Variants in PAPPA2 observed in about 807,000 individuals in gnomAD.
PAPPA2 encodes the protein pappalysin-2.
In PAPPA2, 86 loss-of-function variants were observed where a neutral mutation model predicts 176.4. The observed-to-expected ratio is 0.49, with a 90% CI of 0.41 to 0.58. PAPPA2 has a LOEUF of 0.58. Ranked by LOEUF, PAPPA2 falls within the 20% of genes least tolerant of loss-of-function variation. The pLI is 0.00. For synonymous variants in PAPPA2, 809 were observed against 852.2 expected, an observed-to-expected ratio of 0.95 and a Z score of 0.88; for missense variants, 2,073 against 2,256.9, an observed-to-expected ratio of 0.92 and a Z score of 1.65.
chr1:176,820,780 A>G (rs1485007583), intron 21 of PAPPA2, among the ~76,000 whole-genome samples: 1 of 151,568 alleles, frequency 6.6e-6, no homozygotes, highest in Non-Finnish European at 1.5e-5. Flanking sequence ...TGCAAACATT[A>G]GAGGCTTCCA....
intron 4 of PAPPA2, among the ~76,000 whole-genome samples, chr1:176,682,308 G>T (rs576653093): frequency 1.7e-4 from 26 of 152,158 alleles, no homozygotes; most frequent in Non-Finnish European, 3.7e-4. Flanking sequence ...GGCTGTGAAG[G>T]CATAAAGCAC....
chr1:176,837,273 C>T (rs781670383), intron 21 of PAPPA2, among the ~76,000 whole-genome samples: 6 of 151,984 alleles, frequency 3.9e-5, no homozygotes, highest in Non-Finnish European at 7.4e-5. Context: ...GTAGTCCAAG[C>T]GCTCTCTCAG....
At chr1:176,575,558 C>T (rs1176932174) in intron 2 of PAPPA2, among the ~76,000 whole-genome samples, 2 of 152,136 alleles carry the variant, frequency 1.3e-5, no homozygotes, top group Admixed American at 6.5e-5. Context: ...GTGCGTGATT[C>T]ACTCATGAAT....
chr1:176,536,381 A>T (rs1318446119), intron 1 of PAPPA2, among the ~76,000 whole-genome samples: 8 of 152,220 alleles, frequency 5.3e-5, no homozygotes, highest in Admixed American at 5.2e-4. Flanking sequence ...TGCCACAATC[A>T]TGCTACATAA....
In PAPPA2 at chr1:176,556,681, G is replaced by T; in HGVS notation, c.359G>T (p.Gly120Val). Residue 120 changes from glycine to valine, a missense_variant, in exon 2 of 23, where the codon GGT becomes GTT. By Grantham distance (109) the Gly-to-Val change is moderately radical. Coordinates refer to ENST00000367662, the MANE Select transcript of PAPPA2 (RefSeq NM_020318.3). ...ACTGAAAATCCAGCAGGACTGAGGG[G>T]TGCAGTTGAAGAGCCGGCTGCCCCA... ...DLTENPAGLR[G>V]AVEEPAAPWV... The T allele has an allele frequency of 1.9e-6, 3 of 1,614,160 alleles. No individual in the cohort carries two copies. Among genetic ancestry groups the T allele is most frequent in the Non-Finnish European group, 2.5e-6 (3 of 1,180,002 alleles).
At chr1:176,558,487 G>A (rs1651462577) in intron 2 of PAPPA2, among the ~76,000 whole-genome samples, 1 of 152,182 alleles carries the variant, frequency 6.6e-6, no homozygotes, top group Admixed American at 6.5e-5. Flanking sequence ...CTCTTTGGCT[G>A]TGATTTCTCC....
At chr1:176,561,467 C>T (rs912295693) in intron 2 of PAPPA2, among the ~76,000 whole-genome samples, 3 of 152,110 alleles carry the variant, frequency 2.0e-5, no homozygotes, top group African/African-American at 7.2e-5. Flanking sequence ...GGAATATTCA[C>T]TTTAATTTCT....
At chr1:176,726,944 G>A (rs1055284707) in intron 12 of PAPPA2, among the ~76,000 whole-genome samples, 4 of 152,102 alleles carry the variant, frequency 2.6e-5, no homozygotes, top group African/African-American at 9.7e-5. Flanking sequence ...AGGACAAGGC[G>A]GTTCAAAGTA....
At chr1:176,761,221 T>C (rs1192464871) in intron 14 of PAPPA2, among the ~76,000 whole-genome samples, 1 of 152,118 alleles carries the variant, frequency 6.6e-6, no homozygotes, top group African/African-American at 2.4e-5. Context: ...AGAGCAAATC[T>C]AGGGTTATGT....
chr1:176,729,083 C>T (rs1046647833), intron 12 of PAPPA2, among the ~76,000 whole-genome samples: 1 of 151,890 alleles, frequency 6.6e-6, no homozygotes, highest in African/African-American at 2.4e-5. Context: ...GCTAAGATTG[C>T]AAAGATACCT....
chr1:176,660,592 G>T lies in PAPPA2; in HGVS notation c.1992-10378G>T, dbSNP rs182186874. On this transcript the variant is annotated intron_variant, in intron 3 of 22. Coordinates refer to ENST00000367662, the MANE Select transcript of PAPPA2 (RefSeq NM_020318.3). ...TTTTTGGGGGTAGTCCCAGGATTTA[G>T]TGTGAGTTGTTATAAATCTGTAATT... Among the ~76,000 whole-genome samples the T allele has an allele frequency of 3.2e-4, 48 of 152,192 alleles. 1 individual carries two copies. The Middle Eastern group carries it at 0.01, about 32-fold the overall frequency.
At chr1:176,702,463 T>C in intron 8 of PAPPA2, 144 bp from the exon 9 acceptor site, 1 of 1,225,616 alleles carries the variant, frequency 8.2e-7, no homozygotes, top group East Asian at 2.6e-5. Flanking sequence ...TGTGCCCTGA[T>C]CTTTGTTTTA....
At chr1:176,576,029 A>G (rs564387052) in intron 2 of PAPPA2, among the ~76,000 whole-genome samples, 1 of 152,268 alleles carries the variant, frequency 6.6e-6, no homozygotes, top group South Asian at 2.1e-4. Context: ...TTTCTCTATT[A>G]TAAATAATGC....
At chr1:176,650,440 G>A (rs1001202446) in intron 3 of PAPPA2, among the ~76,000 whole-genome samples, 1 of 150,218 alleles carries the variant, frequency 6.7e-6, no homozygotes, top group Non-Finnish European at 1.5e-5. Context: ...TTAAGTTCTA[G>A]GGTACATGTG....
intron 3 of PAPPA2, among the ~76,000 whole-genome samples, chr1:176,607,597 A>G (rs938222743): frequency 2.0e-5 from 3 of 152,128 alleles, no homozygotes; most frequent in African/African-American, 7.2e-5. Flanking sequence ...TTCTTTATCC[A>G]GTCGTTCACT....
chr1:176,793,919 C>T (rs1665300721), intron 20 of PAPPA2, among the ~76,000 whole-genome samples: 1 of 152,102 alleles, frequency 6.6e-6, no homozygotes, highest in Admixed American at 6.6e-5. Context: ...ACAGTGAAAC[C>T]CCATCTCTAC....
chr1:176,501,961 T>G (rs1647986577), intron 1 of PAPPA2, among the ~76,000 whole-genome samples: 1 of 152,152 alleles, frequency 6.6e-6, no homozygotes, highest in Non-Finnish European at 1.5e-5. Flanking sequence ...AGACAATCTC[T>G]TATGGAATAC....
chr1:176,692,328 G>A lies in PAPPA2; in HGVS notation c.2624+10G>A. The A allele has an allele frequency of 6.3e-7, 1 of 1,595,152 alleles. No homozygotes were observed. Among genetic ancestry groups the A allele is most frequent in the Non-Finnish European group, 8.6e-7 (1 of 1,165,810 alleles). On this transcript the variant is annotated intron_variant, in intron 6 of 22. Transcript: ENST00000367662. ...GAGTTGTATATGACAGGTGAGAGAG[G>A]CACTGGCTGTGGGTGAGCTGGCTTA...
At chr1:176,637,787 A>G (rs1656810125) in intron 3 of PAPPA2, among the ~76,000 whole-genome samples, 1 of 152,018 alleles carries the variant, frequency 6.6e-6, no homozygotes, top group East Asian at 1.9e-4. Flanking sequence ...TGTATTACGA[A>G]CATGTTGATT....
Sources: allele counts gnomAD v4.1 joint callset (sites outside exome capture counted in the v4.1 genomes callset), GRCh38; gene constraint gnomAD v4.1.1; transcripts MANE v1.5; gene names NCBI Gene and HGNC (gene_info 2026-07-23, HGNC 2026-07-21).